Variants in SLC35F1 observed in about 807,000 individuals in gnomAD.
SLC35F1 encodes the protein solute carrier family 35 member F1.
In SLC35F1, 14 loss-of-function variants were observed where a neutral mutation model predicts 48.7. The observed-to-expected ratio is 0.29, with a 90% CI of 0.19 to 0.45. The LOEUF (loss-of-function observed/expected upper bound fraction) is 0.45. Ranked by LOEUF, SLC35F1 falls within the 20% of genes least tolerant of loss-of-function variation. SLC35F1 has a pLI of 1.00. For missense variants in SLC35F1, 404 were observed against 500.0 expected (o/e 0.81, Z 1.83); for synonymous variants, 190 against 202.2 (o/e 0.94, Z 0.51).
chr6:118,102,626 C>A (rs1288574087), intron 1 of SLC35F1, among the ~76,000 whole-genome samples: 2 of 152,242 alleles, frequency 1.3e-5, no homozygotes, highest in Non-Finnish European at 2.9e-5. Flanking sequence ...AGCTTTTGCT[C>A]TGAAATCAGC....
At chr6:117,909,901 G>A (rs1293472999) in intron 1 of SLC35F1, among the ~76,000 whole-genome samples, 1 of 152,112 alleles carries the variant, frequency 6.6e-6, no homozygotes, top group Non-Finnish European at 1.5e-5. Flanking sequence ...GCATTTCATC[G>A]CAGGTATACA....
chr6:118,019,771 G>C (rs73768148), intron 1 of SLC35F1, among the ~76,000 whole-genome samples: 3,224 of 152,306 alleles, frequency 0.021, 114 homozygotes, highest in African/African-American at 0.073. Context: ...AGGGAGAAGA[G>C]GGAAGAAAGA....
At chr6:118,129,569 G>T (rs922118312) in intron 1 of SLC35F1, among the ~76,000 whole-genome samples, 13 of 152,166 alleles carry the variant, frequency 8.5e-5, no homozygotes, top group Admixed American at 3.9e-4. Context: ...CTAGAAAGGG[G>T]ATGGTGGCTG....
At chr6:118,089,382 AAAG>A (rs1393516786) in intron 1 of SLC35F1, among the ~76,000 whole-genome samples, 1 of 152,190 alleles carries the variant, frequency 6.6e-6, no homozygotes, top group African/African-American at 2.4e-5. Context: ...AAAAGAAACA[AAAG>A]AACTGGGGCT....
At chr6:118,159,803 G>T (rs951452787) in intron 2 of SLC35F1, among the ~76,000 whole-genome samples, 7 of 152,104 alleles carry the variant, frequency 4.6e-5, no homozygotes, top group Non-Finnish European at 2.9e-5. Flanking sequence ...AGTTTCTCTT[G>T]TCTGTTATGA....
chr6:117,952,561 A>T (rs1323097825), intron 1 of SLC35F1, among the ~76,000 whole-genome samples: 1 of 152,120 alleles, frequency 6.6e-6, no homozygotes, highest in East Asian at 1.9e-4. Context: ...CTGTAAATCC[A>T]TTTGGCTGCC....
intron 6 of SLC35F1, among the ~76,000 whole-genome samples, chr6:118,282,618 C>T (rs184380984): frequency 2.0e-5 from 3 of 152,276 alleles, no homozygotes; most frequent in South Asian, 4.1e-4. Flanking sequence ...GCATAAGCGT[C>T]GAAAACAACA....
At chr6:118,298,596 C>G (rs1776220320) in intron 7 of SLC35F1, among the ~76,000 whole-genome samples, 1 of 152,168 alleles carries the variant, frequency 6.6e-6, no homozygotes, top group African/African-American at 2.4e-5. Flanking sequence ...TTCACCCAAA[C>G]ACCACTTCAA....
intron 1 of SLC35F1, among the ~76,000 whole-genome samples, chr6:117,986,420 T>C (rs1776848596): frequency 6.6e-6 from 1 of 152,120 alleles, no homozygotes; most frequent in Non-Finnish European, 1.5e-5. Flanking sequence ...TATTAATCAG[T>C]TTTACTTTTC....
intron 5 of SLC35F1, among the ~76,000 whole-genome samples, 176 bp downstream of exon 5, chr6:118,275,791 A>C (rs1361786611): frequency 1.3e-5 from 2 of 152,198 alleles, no homozygotes; most frequent in Non-Finnish European, 2.9e-5. Flanking sequence ...CTCCAAATTA[A>C]ACAAGTTTAA....
At chr6:117,928,433 T>C (rs955961471) in intron 1 of SLC35F1, among the ~76,000 whole-genome samples, 3 of 152,164 alleles carry the variant, frequency 2.0e-5, no homozygotes, top group Admixed American at 2.0e-4. Flanking sequence ...GTTTTCTTTA[T>C]GCATTGCTTA....
chr6:118,045,316 A>G (rs1448146743), intron 1 of SLC35F1, among the ~76,000 whole-genome samples: 3 of 152,206 alleles, frequency 2.0e-5, no homozygotes, highest in Non-Finnish European at 4.4e-5. Context: ...GCTGTTAGCT[A>G]TGAACATACT....
chr6:118,277,862 G>C (rs185003756), intron 6 of SLC35F1, among the ~76,000 whole-genome samples: 1 of 152,120 alleles, frequency 6.6e-6, no homozygotes, highest in East Asian at 1.9e-4. Flanking sequence ...GCACATAAGT[G>C]ACAGCAATTT....
chr6:118,239,907 T>C (rs945704868), intron 3 of SLC35F1, among the ~76,000 whole-genome samples: 1 of 152,192 alleles, frequency 6.6e-6, no homozygotes, highest in East Asian at 1.9e-4. Flanking sequence ...TAATAAGTGA[T>C]CAGAACAGAA....
chr6:118,090,674 G>T (rs1003656059), intron 1 of SLC35F1, among the ~76,000 whole-genome samples: 1 of 152,162 alleles, frequency 6.6e-6, no homozygotes, highest in African/African-American at 2.4e-5. Flanking sequence ...GATGAGAAGG[G>T]TTGGCAGAAT....
At chr6:118,028,552 A>G (rs1771991864) in intron 1 of SLC35F1, among the ~76,000 whole-genome samples, 1 of 152,094 alleles carries the variant, frequency 6.6e-6, no homozygotes, top group Admixed American at 6.6e-5. Context: ...AAATGGGTGG[A>G]TAGTGTTGAG....
intron 1 of SLC35F1, among the ~76,000 whole-genome samples, chr6:118,038,988 T>C (rs1461809166): frequency 2.0e-5 from 3 of 152,224 alleles, no homozygotes; most frequent in African/African-American, 7.2e-5. Flanking sequence ...AAATTAATTT[T>C]TGTATATTGA....
intron 1 of SLC35F1, among the ~76,000 whole-genome samples, chr6:118,149,797 G>A (rs1003786619): frequency 8.5e-5 from 13 of 152,176 alleles, no homozygotes; most frequent in African/African-American, 3.1e-4. Flanking sequence ...GAAGAAACAA[G>A]AATAGATTTG....
chr6:117,994,377 T>C (rs1776958537), intron 1 of SLC35F1, among the ~76,000 whole-genome samples: 1 of 152,202 alleles, frequency 6.6e-6, no homozygotes, highest in African/African-American at 2.4e-5. Flanking sequence ...AATTTTAAGA[T>C]ACATAACCAT....
Sources: gnomAD v4.1 joint callset for allele counts (sites outside exome capture counted in the v4.1 genomes callset) on GRCh38, gnomAD v4.1.1 for gene constraint, MANE v1.5 for transcripts, NCBI Gene and HGNC (gene_info 2026-07-23, HGNC 2026-07-21) for gene names.